C5: variants seen among roughly 807,000 people sequenced by gnomAD.
The protein encoded by C5 is C3 and PZP-like alpha-2-macroglobulin domain-containing protein 4.
C5 carries 140 observed loss-of-function variants against 218.8 expected under a neutral mutation model. That is an observed-to-expected ratio of 0.64 (90% CI 0.56 to 0.74). C5 has a LOEUF of 0.74. C5 is among the 30% of genes least tolerant of loss of function. C5 has a pLI of 0.00. For synonymous variants in C5, 614 were observed against 682.3 expected (o/e 0.90, Z 1.56); for missense variants, 1,700 against 1,969.6 (o/e 0.86, Z 2.59).
chr9:120,966,986 G>A (rs978973766), intron 33 of C5, among the ~76,000 whole-genome samples: 2 of 152,022 alleles, frequency 1.3e-5, no homozygotes, highest in African/African-American at 2.4e-5. Flanking sequence ...TAGGCTGAGC[G>A]TGGTGGCTCA....
chr9:121,027,331 G>C (rs1006837220), intron 7 of C5, 57 bp from the exon 8 acceptor site: 5 of 855,894 alleles, frequency 5.8e-6, no homozygotes, highest in Admixed American at 2.0e-5. Context: ...ACAGGATTCA[G>C]ATAAAATGTA....
the C5 span, among the ~76,000 whole-genome samples, chr9:121,061,217 C>T: frequency 6.6e-6 from 1 of 151,608 alleles, no homozygotes; most frequent in Non-Finnish European, 1.5e-5. Flanking sequence ...CAGAATCACA[C>T]ACACAAAAAA....
rs752952404 is a variant in C5 at position 121,013,980 on chromosome 9, C to T, written c.2150G>A (p.Arg717Gln). The T allele has an allele frequency of 1.2e-5, 19 of 1,614,016 alleles. No homozygotes were observed. The highest frequency in any genetic ancestry group is 3.3e-5 in the Admixed American group (2 of 59,980). Residue 717 changes from arginine to glutamine, a missense_variant, in exon 17 of 41, where the codon CGG becomes CAG. Transcript: ENST00000223642. ...GATGCATCTTGGCCCTAAACTAATC[C>T]GTGCAGCTCGCTGCTCACAGGTTTC... ...NDETCEQRAA[R>Q]ISLGPRCIKA...
chr9:121,038,621 T>C (rs556461619), intron 3 of C5, among the ~76,000 whole-genome samples: 10 of 152,356 alleles, frequency 6.6e-5, no homozygotes, highest in Admixed American at 2.6e-4. Flanking sequence ...GTTTCGCTTT[T>C]AACTCACAGC....
the C5 span, among the ~76,000 whole-genome samples, chr9:121,058,228 T>G: frequency 6.6e-6 from 1 of 152,186 alleles, no homozygotes; most frequent in East Asian, 1.9e-4. Context: ...TTGACAACCA[T>G]GCAGAAGGGT....
chr9:121,035,585 T>C (rs1274199846), intron 4 of C5, among the ~76,000 whole-genome samples: 2 of 152,180 alleles, frequency 1.3e-5, no homozygotes. Context: ...AAAAACTTTT[T>C]TGAGACAGGG....
chr9:120,954,706 C>T (rs912253567), intron 39 of C5, among the ~76,000 whole-genome samples: 5 of 152,192 alleles, frequency 3.3e-5, no homozygotes, highest in South Asian at 2.1e-4. Flanking sequence ...TAAGTTCTGG[C>T]AGAGTCATCT....
chr9:120,963,426 G>A (rs1053946569), intron 34 of C5, among the ~76,000 whole-genome samples: 8 of 151,694 alleles, frequency 5.3e-5, no homozygotes, highest in Non-Finnish European at 8.8e-5. Context: ...AGAATCACTT[G>A]AACCCGAGAG....
intron 10 of C5, among the ~76,000 whole-genome samples, chr9:121,022,864 AAG>A (rs986806945): frequency 6.6e-6 from 1 of 152,036 alleles, no homozygotes; most frequent in African/African-American, 2.4e-5. Context: ...GACAGAAAAA[AAG>A]AGATTCAGGG....
At chr9:120,992,521 A>ATAT (rs2047084441) in intron 22 of C5, among the ~76,000 whole-genome samples, 1 of 152,260 alleles carries the variant, frequency 6.6e-6, no homozygotes. Flanking sequence ...TACTTATTAC[A>ATAT]GATAGCCTTG....
At chr9:120,975,821 C>T (rs549702238) in intron 29 of C5, among the ~76,000 whole-genome samples, 1 of 152,280 alleles carries the variant, frequency 6.6e-6, no homozygotes, top group South Asian at 2.1e-4. Context: ...ACACAATGGA[C>T]TAAGGCAATG....
chr9:120,973,489 A>G (rs962343751), intron 30 of C5, among the ~76,000 whole-genome samples: 3 of 152,080 alleles, frequency 2.0e-5, no homozygotes, highest in African/African-American at 7.2e-5. Flanking sequence ...ACTGGTGGGG[A>G]CTGCAGTAAA....
chr9:120,953,616 C>T, intron 40 of C5, 114 bp downstream of exon 40: 1 of 1,097,402 alleles, frequency 9.1e-7, no homozygotes, highest in East Asian at 2.4e-5. Flanking sequence ...TTATTTAGTT[C>T]AAAATGGTTT....
chr9:120,975,524 G>A (rs565564343), intron 29 of C5, among the ~76,000 whole-genome samples: 1 of 152,234 alleles, frequency 6.6e-6, no homozygotes, highest in Admixed American at 6.5e-5. Flanking sequence ...TAGGAGGTGA[G>A]GCCTAATGGG....
At chr9:121,046,786 A>C (rs2047631575) in intron 1 of C5, among the ~76,000 whole-genome samples, 2 of 151,938 alleles carry the variant, frequency 1.3e-5, no homozygotes, top group African/African-American at 4.8e-5. Context: ...AAAGTCACTA[A>C]GTCTTTCTGA....
rs1355112501 is a variant in C5, at chr9:120,962,438, TTAAA to T, written c.4504+229_4504+232del. ...TTGGAGGCACTATAATCCAGTTATT[TTAAA>T]TATGAAGAAACTGAGGACTGAGGTG... is the stretch of plus-strand genomic sequence containing the variant. On this transcript the variant is annotated intron_variant, in intron 36 of 40. Transcript: ENST00000223642. 2.0e-5 allele frequency among the ~76,000 whole-genome samples: 3 copies of T among 152,164 alleles called. No individual in the cohort carries two copies. The East Asian group carries it at 5.8e-4, about 29-fold the overall frequency.
chr9:120,982,844 T>C, intron 25 of C5, 30 bp from the exon 26 acceptor site: 1 of 1,272,736 alleles, frequency 7.9e-7, no homozygotes, highest in South Asian at 1.3e-5. Flanking sequence ...AAATAAATAT[T>C]TAGAACGCTG....
intron 5 of C5, among the ~76,000 whole-genome samples, chr9:121,033,013 G>GTGT (rs1554724861): frequency 0.19 from 27,358 of 143,048 alleles, 2,596 homozygotes; most frequent in African/African-American, 0.22. Flanking sequence ...AAAAACTATG[G>GTGT]GTGTGTGTGT....
intron 38 of C5, among the ~76,000 whole-genome samples, chr9:120,958,107 T>C (rs781330693): frequency 2.6e-5 from 4 of 152,194 alleles, no homozygotes; most frequent in Non-Finnish European, 4.4e-5. Flanking sequence ...ATCCCTCAAG[T>C]CTTTAAGTCT....
Sources: allele counts gnomAD v4.1 joint callset (sites outside exome capture counted in the v4.1 genomes callset), GRCh38; gene constraint gnomAD v4.1.1; transcripts MANE v1.5; gene names NCBI Gene and HGNC (gene_info 2026-07-23, HGNC 2026-07-21).